The following CNGB3 variants were observed in gnomAD, a reference collection of about 807,000 sequenced individuals.
The protein encoded by CNGB3 is cyclic nucleotide-gated channel beta-3.
A neutral mutation model predicts 92.8 loss-of-function variants in CNGB3; 86 were observed. That is an observed-to-expected ratio of 0.93 (90% confidence interval 0.78 to 1.11). The LOEUF (loss-of-function observed/expected upper bound fraction) is 1.11. Ranked by LOEUF, CNGB3 falls within the 50% of genes least tolerant of loss-of-function variation. The pLI is 0.00. For synonymous variants in CNGB3, 333 were observed against 332.7 expected (o/e 1.00, Z -0.01); for missense variants, 1,026 against 956.8 (o/e 1.07, Z -0.95).
chr8:86,604,136 CT>C lies in CNGB3; in HGVS notation c.1737del (p.Val580PhefsTer5). ...VQVLGGPDGT[K>X]VLVTLKAGSV... ...GACCCAGCTTTCAGAGTAACCAGAA[CT>C]TTAGTACCATCAGGGCCTCCAAGAA... On this transcript the variant is annotated frameshift_variant, in exon 15 of 18. Coordinates refer to ENST00000320005, the MANE Select transcript of CNGB3 (RefSeq NM_019098.5). LOFTEE classifies it high-confidence loss of function. 6.2e-7 allele frequency: 1 copy of C among 1,613,672 alleles called. No individual in the cohort carries two copies. The highest frequency in any genetic ancestry group is 8.5e-7 in the Non-Finnish European group (1 of 1,179,660).
rs551833067 is a variant in CNGB3, at chr8:86,698,911, C to T, written c.338+27620G>A. Among the ~76,000 whole-genome samples, 80 of 152,298 alleles carry T rather than the reference C, an allele frequency of 5.3e-4. 2 individuals carry two copies. In the South Asian group the frequency reaches 0.016, roughly 31 times the overall value. ...AACTAAGGCAATGAAGATCATCTGT[C>T]TCCTCCCTTCCCCATTAATTGTGAA... On this transcript the variant is annotated intron_variant, in intron 3 of 17. Transcript: ENST00000320005.
At position 86,721,209 on chromosome 8, in the gene CNGB3, A is replaced by G. The variant is rs544112088; in HGVS notation, c.338+5322T>C. 4.0e-3 allele frequency among the ~76,000 whole-genome samples: 611 copies of G among 152,026 alleles called. 2 individuals carry two copies. The highest frequency in any genetic ancestry group is 0.014 in the African/African-American group (575 of 41,462). ...TCACATTGCTGACCTCAAGTGATCC[A>G]CCCACCTTGGCCTCCCAAAGGTCAG... On this transcript the variant is annotated intron_variant, in intron 3 of 17. Transcript: ENST00000320005.
chr8:86,660,241 A>G (rs557938001), intron 6 of CNGB3: 5 of 306,618 alleles, frequency 1.6e-5, no homozygotes, highest in Admixed American at 4.4e-5. Flanking sequence ...TATTCTCTCA[A>G]TGTTTTCTTG....
chr8:86,735,248 T>A (rs1184977173), intron 2 of CNGB3, among the ~76,000 whole-genome samples: 1 of 148,040 alleles, frequency 6.8e-6, no homozygotes, highest in Non-Finnish European at 1.5e-5. Flanking sequence ...GTTCACGCCA[T>A]TCTCCTGCCT....
chr8:86,604,142 T>A lies in CNGB3; in HGVS notation c.1732A>T (p.Thr578Ser), dbSNP rs145247723. The A allele has an allele frequency of 2.4e-4, 381 of 1,613,788 alleles. No individual in the cohort carries two copies. The African/African-American group carries it at 4.5e-3, about 19-fold the overall frequency. Reference protein sequence around the residue: ...EVQVLGGPDGTKVLVTLKAGS... With the variant: ...EVQVLGGPDGSKVLVTLKAGS... ...GCTTTCAGAGTAACCAGAACTTTAG[T>A]ACCATCAGGGCCTCCAAGAACTTGG... is the stretch of plus-strand genomic sequence containing the variant. Residue 578 changes from threonine to serine, a missense_variant, in exon 15 of 18, where the codon ACT becomes TCT. Coordinates refer to ENST00000320005, the MANE Select transcript of CNGB3 (RefSeq NM_019098.5).
intron 3 of CNGB3, among the ~76,000 whole-genome samples, chr8:86,680,427 TGA>T (rs1261639052): frequency 6.6e-6 from 1 of 152,192 alleles, no homozygotes; most frequent in Non-Finnish European, 1.5e-5. Flanking sequence ...GAGAGGGTTC[TGA>T]GAGAGTTTTA....
At chr8:86,664,106 G>A (rs1823696163) in intron 6 of CNGB3, among the ~76,000 whole-genome samples, 1 of 152,128 alleles carries the variant, frequency 6.6e-6, no homozygotes, top group South Asian at 2.1e-4. Context: ...CTCTGGGGAT[G>A]GTGCTGGTGA....
At position 86,575,816 on chromosome 8, in the gene CNGB3, C is replaced by A. The variant is rs760477374; in HGVS notation, c.2418G>T (p.Lys806Asn). Residue 806 changes from lysine (K) to asparagine (N), a missense_variant, in exon 18 of 18, where the codon AAG becomes AAT. By Grantham distance (94) the Lys-to-Asn change is moderately conservative (BLOSUM62 0). Transcript: ENST00000320005. ...GATAATCAAACATTTATTGCTTAGCCTTTTCTTTGACTTCAATAGTAAGAA... is the reference window on the plus strand; with the variant it reads ...GATAATCAAACATTTATTGCTTAGCATTTTCTTTGACTTCAATAGTAAGAA... Reference protein sequence around the residue: ...EEVLTIEVKEKAKQ With the variant: ...EEVLTIEVKENAKQ 1 of 1,613,540 alleles carries A rather than the reference C, an allele frequency of 6.2e-7. No individual in the cohort carries two copies. The highest frequency in any genetic ancestry group is 1.3e-5 in the African/African-American group (1 of 74,878).
rs1429940166 is a variant in CNGB3 at position 86,589,290 on chromosome 8, A to C, written c.1782-10038T>G. 5.5e-4 allele frequency among the ~76,000 whole-genome samples: 83 copies of C among 150,818 alleles called. 1 individual carries two copies. Among genetic ancestry groups the C allele is most frequent in the African/African-American group, 1.4e-3 (57 of 40,886 alleles). ...TTTGTTGATCCTTTCAAAAAACCAG[A>C]TCCTGGATTCATTAATTTTTTGAAG... On this transcript the variant is annotated intron_variant, in intron 15 of 17. Coordinates refer to ENST00000320005, the MANE Select transcript of CNGB3 (RefSeq NM_019098.5).
chr8:86,593,464 ATAGTTT>A (rs1313181718), intron 15 of CNGB3, among the ~76,000 whole-genome samples: 3 of 152,242 alleles, frequency 2.0e-5, no homozygotes, highest in Admixed American at 2.0e-4. Context: ...TACAAAGTTT[ATAGTTT>A]TAAAGTTTTT....
At chr8:86,641,911 T>A (rs1823195778) in intron 10 of CNGB3, among the ~76,000 whole-genome samples, 1 of 151,912 alleles carries the variant, frequency 6.6e-6, no homozygotes, top group Non-Finnish European at 1.5e-5. Flanking sequence ...CTTGGCTACC[T>A]GGGCTATGAT....
At chr8:86,653,417 A>G (rs1312161530) in intron 7 of CNGB3, among the ~76,000 whole-genome samples, 1 of 152,114 alleles carries the variant, frequency 6.6e-6, no homozygotes, top group Admixed American at 6.6e-5. Flanking sequence ...GTATTTTTAA[A>G]CAAACTCTGA....
intron 15 of CNGB3, among the ~76,000 whole-genome samples, chr8:86,595,031 G>C (rs1454042116): frequency 1.3e-5 from 2 of 152,076 alleles, no homozygotes; most frequent in Non-Finnish European, 2.9e-5. Flanking sequence ...TGGTGAGGTA[G>C]GTTCTTAACC....
intron 3 of CNGB3, among the ~76,000 whole-genome samples, chr8:86,673,683 A>C (rs1271307367): frequency 6.6e-6 from 1 of 152,214 alleles, no homozygotes; most frequent in Non-Finnish European, 1.5e-5. Flanking sequence ...CAAAGAAGAA[A>C]TCAAGAATGA....
In CNGB3 at chr8:86,668,249, C is replaced by T. The variant is rs1044064002; in HGVS notation, c.494-81G>A. ...TAAAAACTTGAATTTCTTAACCAAA[C>T]ACCGCATGTTCTCACTCATAAGTGG... On this transcript the variant is annotated intron_variant, in intron 4 of 17. Coordinates refer to ENST00000320005, the MANE Select transcript of CNGB3 (RefSeq NM_019098.5). The T allele has an allele frequency of 7.8e-6, 11 of 1,417,790 alleles. No individual in the cohort carries two copies. The South Asian group carries it at 8.2e-5, about 11-fold the overall frequency. 87.8% of individuals were successfully genotyped at this position (1,417,790 alleles called of 1,614,324 possible).
chr8:86,660,262 A>C (rs2131608997), intron 6 of CNGB3: 1 of 302,524 alleles, frequency 3.3e-6, no homozygotes, highest in South Asian at 3.2e-5. Context: ...GCCACAGCCA[A>C]TTTGCTCTGT....
intron 13 of CNGB3, among the ~76,000 whole-genome samples, chr8:86,619,008 C>A (rs1822672231): frequency 6.6e-6 from 1 of 152,176 alleles, no homozygotes; most frequent in African/African-American, 2.4e-5. Context: ...GTCAAAGATC[C>A]CAGTGAGGTG....
intron 1 of CNGB3, among the ~76,000 whole-genome samples, chr8:86,742,794 G>T (rs973633338): frequency 1.3e-5 from 2 of 151,986 alleles, no homozygotes; most frequent in South Asian, 4.2e-4. Flanking sequence ...CCTACCATGT[G>T]CTTTATATAT....
chr8:86,599,031 T>A (rs1822234424), intron 15 of CNGB3, among the ~76,000 whole-genome samples: 1 of 152,146 alleles, frequency 6.6e-6, no homozygotes, highest in African/African-American at 2.4e-5. Context: ...TGTGCACACA[T>A]CATTTGAGGA....
Sources: allele counts gnomAD v4.1 joint callset (sites outside exome capture counted in the v4.1 genomes callset), GRCh38; gene constraint gnomAD v4.1.1; transcripts MANE v1.5; gene names NCBI Gene and HGNC (gene_info 2026-07-23, HGNC 2026-07-21).